The following RNF135 variants were observed in gnomAD, a reference collection of about 807,000 sequenced individuals.
RNF135 encodes the protein ring finger protein 135.
Under a neutral mutation model 41.9 loss-of-function variants are expected in RNF135, and 46 were observed. That is an observed-to-expected ratio of 1.10 (90% CI 0.87 to 1.40). RNF135 has a LOEUF of 1.40. Among genes scored for constraint, RNF135 ranks in the 40% most tolerant of loss-of-function variants. The pLI is 0.00. For missense variants in RNF135, 539 were observed against 549.8 expected, an observed-to-expected ratio of 0.98 and a Z score of 0.20; for synonymous variants, 238 against 223.8, an observed-to-expected ratio of 1.06 and a Z score of -0.57.
chr17:30,997,515 G>T, intron 4 of RNF135, 184 bp downstream of exon 4: 1 of 666,350 alleles, frequency 1.5e-6, no homozygotes, highest in East Asian at 3.1e-5. Context: ...CTAGACCCAA[G>T]AGCACTCAGA....
At chr17:30,986,072 G>T (rs1275858732) in intron 2 of RNF135, among the ~76,000 whole-genome samples, 1 of 152,182 alleles carries the variant, frequency 6.6e-6, no homozygotes, top group Non-Finnish European at 1.5e-5. Flanking sequence ...TAGAGGCTCT[G>T]AGGACTCCAT....
At chr17:30,989,984 C>CAAAAAA (rs10627734) in intron 3 of RNF135, among the ~76,000 whole-genome samples, 4 of 55,296 alleles carry the variant, frequency 7.2e-5, no homozygotes, top group African/African-American at 1.0e-4. Flanking sequence ...AACTCTGTCT[C>CAAAAAA]AAAAAAAAAA....
At chr17:30,985,932 C>T (rs1290167789) in intron 2 of RNF135, among the ~76,000 whole-genome samples, 2 of 152,144 alleles carry the variant, frequency 1.3e-5, no homozygotes, top group African/African-American at 4.8e-5. Context: ...ACAGGGCACC[C>T]TTCATGGAAT....
At chr17:30,969,564 C>A (rs114706498), upstream of RNF135, among the ~76,000 whole-genome samples, 801 of 152,200 alleles carry the variant, frequency 5.3e-3, 10 homozygotes, top group African/African-American at 0.018. Flanking sequence ...CCGGCTCAGT[C>A]GCCTTTAAAG....
chr17:30,984,788 G>T, intron 2 of RNF135, 28 bp downstream of exon 2: 4 of 1,613,204 alleles, frequency 2.5e-6, no homozygotes, highest in Non-Finnish European at 3.4e-6. Context: ...AGGAAAGGAT[G>T]TGGAAGGGAA....
chr17:30,960,960 C>T, the RNF135 span, among the ~76,000 whole-genome samples: 1 of 151,828 alleles, frequency 6.6e-6, no homozygotes, highest in African/African-American at 2.4e-5. Context: ...AGGAGGGTCT[C>T]GATCTCCCAA....
intron 3 of RNF135, among the ~76,000 whole-genome samples, chr17:30,991,412 CTCTT>C (rs1396491786): frequency 1.3e-5 from 2 of 150,642 alleles, no homozygotes; most frequent in African/African-American, 2.4e-5. Context: ...TTTTCTCTTT[CTCTT>C]TCTTTTTTTT....
intron 3 of RNF135, chr17:30,993,770 CTTTT>C: frequency 1.0e-6 from 1 of 958,156 alleles, no homozygotes; most frequent in Non-Finnish European, 1.5e-6. Flanking sequence ...TTTTTCCTTT[CTTTT>C]TCTTTTGTTT....
chr17:30,987,000 G>A (rs1907637841), intron 2 of RNF135, among the ~76,000 whole-genome samples: 1 of 152,100 alleles, frequency 6.6e-6, no homozygotes, highest in Non-Finnish European at 1.5e-5. Flanking sequence ...TAATACTACC[G>A]TATTTTGATT....
chr17:30,968,307 T>A (rs1461019364), upstream of RNF135, among the ~76,000 whole-genome samples: 6 of 145,900 alleles, frequency 4.1e-5, no homozygotes, highest in South Asian at 6.3e-4. Flanking sequence ...AAAAAAAAAA[T>A]CTGATATAAA....
At chr17:30,990,922 T>G (rs540036836) in intron 3 of RNF135, among the ~76,000 whole-genome samples, 20 of 152,342 alleles carry the variant, frequency 1.3e-4, no homozygotes, top group African/African-American at 4.6e-4. Context: ...TACGTGATTG[T>G]TTCCAATTGT....
At chr17:30,979,621 C>A (rs1482245372) in intron 1 of RNF135, among the ~76,000 whole-genome samples, 1 of 125,300 alleles carries the variant, frequency 8.0e-6, no homozygotes, top group Non-Finnish European at 1.7e-5. Context: ...GGCAGAGGCG[C>A]CCCTCACCTC....
chr17:30,984,894 A>C lies in RNF135; in HGVS notation c.516+134A>C. 3.8e-6 allele frequency: 4 copies of C among 1,065,432 alleles called. No homozygotes were observed. The South Asian group carries it at 5.2e-5, about 14-fold the overall frequency. The allele number at this position is 1,065,432 out of a possible 1,614,324, so 66.0% of individuals were successfully genotyped here. On this transcript the variant is annotated intron_variant, in intron 2 of 4. Coordinates refer to ENST00000328381, the MANE Select transcript of RNF135 (RefSeq NM_032322.4). Reference sequence around the variant, plus strand: ...ATCTTTTATTGTTCTCTTTACTACCAGACATGGATGATTGGACATTTGGAA... The same window carrying C: ...ATCTTTTATTGTTCTCTTTACTACCCGACATGGATGATTGGACATTTGGAA...
chr17:30,964,726 C>T, the RNF135 span, among the ~76,000 whole-genome samples: 1 of 151,164 alleles, frequency 6.6e-6, no homozygotes, highest in African/African-American at 2.4e-5. Flanking sequence ...GCTCTGTTGC[C>T]CAGGCTCGAG....
In RNF135 at chr17:30,987,896, C is replaced by T. The variant is rs780488027; in HGVS notation, c.517-48C>T. 11 of 1,504,820 alleles carry T rather than the reference C, an allele frequency of 7.3e-6. No individual in the cohort carries two copies. In the South Asian group the frequency reaches 1.0e-4, roughly 14 times the overall value. The allele number at this position is 1,504,820 out of a possible 1,614,324, so 93.2% of individuals were successfully genotyped here. On this transcript the variant is annotated intron_variant, in intron 2 of 4. Coordinates refer to ENST00000328381, the MANE Select transcript of RNF135 (RefSeq NM_032322.4). The stretch of plus-strand genomic sequence containing the variant: ...AAACTTGAATATAATAGTTGATAGA[C>T]TGCATAGGGGACTTCCATTTATTCA...
chr17:30,967,190 A>C (rs1486404146), upstream of RNF135, among the ~76,000 whole-genome samples: 1 of 152,020 alleles, frequency 6.6e-6, no homozygotes, highest in Non-Finnish European at 1.5e-5. Flanking sequence ...CACCATGCCC[A>C]GCTAATTTTT....
chr17:30,989,425 G>A (rs1232761042), intron 3 of RNF135, among the ~76,000 whole-genome samples: 2 of 152,124 alleles, frequency 1.3e-5, no homozygotes, highest in East Asian at 3.9e-4. Flanking sequence ...TAATCTCTGG[G>A]GAGTGTGTTA....
the RNF135 span, among the ~76,000 whole-genome samples, chr17:30,964,687 CTTTTTTT>C: frequency 1.4e-5 from 2 of 138,402 alleles, no homozygotes; most frequent in Non-Finnish European, 3.2e-5. Context: ...CATTTCTTAT[CTTTTTTT>C]TTTTTTTTTA....
At chr17:30,982,599 T>G (rs890252009) in intron 1 of RNF135, among the ~76,000 whole-genome samples, 2 of 152,172 alleles carry the variant, frequency 1.3e-5, no homozygotes, top group Admixed American at 1.3e-4. Context: ...TTTTTGGTTC[T>G]TATGAAGGTG....
Sources: gnomAD v4.1 joint callset for allele counts (sites outside exome capture counted in the v4.1 genomes callset) on GRCh38, gnomAD v4.1.1 for gene constraint, MANE v1.5 for transcripts, NCBI Gene and HGNC (gene_info 2026-07-23, HGNC 2026-07-21) for gene names.